MGST2: variants seen among roughly 807,000 people sequenced by gnomAD.
MGST2 encodes the protein glutathione peroxidase MGST2.
A neutral mutation model predicts 16.6 loss-of-function variants in MGST2; 9 were observed. That is an observed-to-expected ratio of 0.54 (90% confidence interval 0.33 to 0.95). The LOEUF is 0.95. MGST2 is among the 40% of genes least tolerant of loss of function. The probability of loss-of-function intolerance (pLI) is 0.03; values close to 1 mark genes in which losing one functional copy is unlikely to be tolerated. For synonymous variants in MGST2, 79 were observed against 68.0 expected, an observed-to-expected ratio of 1.16 and a Z score of -0.79; for missense variants, 159 against 175.1, an observed-to-expected ratio of 0.91 and a Z score of 0.52.
intron 2 of MGST2, among the ~76,000 whole-genome samples, chr4:139,682,251 A>C (rs75631080): frequency 0.17 from 25,929 of 151,480 alleles, 3,014 homozygotes; most frequent in African/African-American, 0.33. Flanking sequence ...CTAAAAAAAA[A>C]AAAAACAAAA....
chr4:139,678,987 C>T, intron 2 of MGST2: 1 of 295,392 alleles, frequency 3.4e-6, no homozygotes, highest in Non-Finnish European at 6.3e-6. Flanking sequence ...CGTTATGCTA[C>T]AATTTTCTAT....
intron 5 of MGST2, chr4:139,719,168 G>A: frequency 1.3e-6 from 1 of 798,266 alleles, no homozygotes; most frequent in Non-Finnish European, 1.9e-6. Context: ...TGGGGCTGTG[G>A]ATTGGCACCT....
At chr4:139,730,686 G>A (rs2110989203) in intron 5 of MGST2, 1 of 1,598,068 alleles carries the variant, frequency 6.3e-7, no homozygotes, top group Non-Finnish European at 8.6e-7. Flanking sequence ...ACAAGAGAGA[G>A]GGAGATGCAG....
At chr4:139,725,487 C>T (rs571761118) in intron 5 of MGST2, among the ~76,000 whole-genome samples, 1 of 152,274 alleles carries the variant, frequency 6.6e-6, no homozygotes, top group East Asian at 1.9e-4. Context: ...CTGTTCTAGT[C>T]CCAACTCCGA....
At chr4:139,701,005 A>G (rs555459211) in intron 3 of MGST2, among the ~76,000 whole-genome samples, 1 of 152,342 alleles carries the variant, frequency 6.6e-6, no homozygotes, top group East Asian at 1.9e-4. Context: ...CTTTAGAGAA[A>G]GACTTCTTCA....
At chr4:139,674,271 G>A (rs1330349741) in intron 1 of MGST2, among the ~76,000 whole-genome samples, 3 of 152,126 alleles carry the variant, frequency 2.0e-5, no homozygotes, top group Non-Finnish European at 1.5e-5. Flanking sequence ...CCGGAAAGGC[G>A]AGACAACTCA....
At chr4:139,709,544 CTTTAAAATGG>C (rs1727660804) in intron 5 of MGST2, among the ~76,000 whole-genome samples, 1 of 152,118 alleles carries the variant, frequency 6.6e-6, no homozygotes, top group East Asian at 1.9e-4. Flanking sequence ...GTTGGATGTA[CTTTAAAATGG>C]TTCTGCGAAA....
chr4:139,711,174 C>T (rs1024319321), intron 5 of MGST2, among the ~76,000 whole-genome samples: 5 of 151,972 alleles, frequency 3.3e-5, no homozygotes, highest in Admixed American at 6.5e-5. Context: ...TCACCATGAC[C>T]GGCTGTTTTC....
In MGST2 at chr4:139,715,940, C is replaced by G. The variant is rs1201737649; in HGVS notation, c.*48+11744C>G. 6.6e-6 allele frequency among the ~76,000 whole-genome samples: 1 copy of G among 152,178 alleles called. No homozygotes were observed. Among genetic ancestry groups the G allele is most frequent in the Non-Finnish European group, 1.5e-5 (1 of 68,036 alleles). On this transcript the variant is annotated intron_variant, in intron 5 of 5. Coordinates refer to the MGST2 transcript ENST00000616265. This position sits in a 1 kb window ranked among gnomAD's most constrained non-coding sequence, Gnocchi z 4.4. ...GTTTCAGTCTCATTTTACCCAGCTC[C>G]TATTTAACATGGAGTTGCTCTGGTT...
intron 2 of MGST2, among the ~76,000 whole-genome samples, chr4:139,682,564 G>A (rs1029441212): frequency 1.2e-4 from 19 of 152,278 alleles, no homozygotes; most frequent in African/African-American, 3.4e-4. Context: ...GCCACTGTAG[G>A]GGACTTTGGC....
At chr4:139,745,367 A>C (rs1294398037), downstream of MGST2, among the ~76,000 whole-genome samples, 1 of 152,204 alleles carries the variant, frequency 6.6e-6, no homozygotes, top group African/African-American at 2.4e-5. Flanking sequence ...AGTGTCAGGT[A>C]AGCTAGTGTC....
At chr4:139,709,378 C>T (rs183178873) in intron 5 of MGST2, among the ~76,000 whole-genome samples, 165 of 152,106 alleles carry the variant, frequency 1.1e-3, no homozygotes, top group Non-Finnish European at 1.4e-3. Flanking sequence ...CCATCACGCC[C>T]GGCCAGACAA....
chr4:139,682,934 C>T (rs1252397655), intron 2 of MGST2, among the ~76,000 whole-genome samples: 1 of 152,174 alleles, frequency 6.6e-6, no homozygotes, highest in African/African-American at 2.4e-5. Context: ...CCCTGCCTCG[C>T]AGATTAATTC....
intron 4 of MGST2, 39 bp from the exon 5 acceptor site, chr4:139,703,977 T>G (rs896216898): frequency 6.2e-7 from 1 of 1,613,572 alleles, no homozygotes; most frequent in Non-Finnish European, 8.5e-7. Flanking sequence ...CTTATTACAG[T>G]CCAGTTTGTC....
intron 2 of MGST2, among the ~76,000 whole-genome samples, chr4:139,686,038 G>A (rs1731543207): frequency 6.6e-6 from 1 of 152,194 alleles, no homozygotes; most frequent in Non-Finnish European, 1.5e-5. Flanking sequence ...CTGAGAACAC[G>A]TGCCCAGTTT....
At chr4:139,709,374 C>T (rs781482709) in intron 5 of MGST2, among the ~76,000 whole-genome samples, 42 of 151,986 alleles carry the variant, frequency 2.8e-4, no homozygotes, top group Admixed American at 1.5e-3. Flanking sequence ...TGAGCCATCA[C>T]GCCCGGCCAG....
At chr4:139,714,020 T>C (rs1355085117) in intron 5 of MGST2, among the ~76,000 whole-genome samples, 1 of 152,216 alleles carries the variant, frequency 6.6e-6, no homozygotes, top group Non-Finnish European at 1.5e-5. Flanking sequence ...TCCTATTTCC[T>C]GGAAGGTGGA....
Position 139,719,280 on chromosome 4 carries a change from A to G in MGST2, c.*48+15084A>G, listed in dbSNP as rs769252792. ...ACATCCTGTTTCTTTTTCACTTTTT[A>G]AGCTTTAACCACTCGAGTTGTGGAT... On this transcript the variant is annotated intron_variant, in intron 5 of 5. Transcript: ENST00000616265. The G allele has an allele frequency of 9.9e-6, 15 of 1,518,194 alleles. No homozygotes were observed. The South Asian group carries it at 1.7e-4, about 17-fold the overall frequency. The allele number at this position is 1,518,194 out of a possible 1,614,324, so 94.0% of individuals were successfully genotyped here.
rs1390734026 is a variant in MGST2 at position 139,715,862 on chromosome 4, ATCTCATCCTG to A, written c.*48+11668_*48+11677del. Among the ~76,000 whole-genome samples, 1 of 152,038 alleles carries A rather than the reference ATCTCATCCTG, an allele frequency of 6.6e-6. No individual in the cohort carries two copies. Among genetic ancestry groups the A allele is most frequent in the Non-Finnish European group, 1.5e-5 (1 of 68,000 alleles). ...GCCGTGTATTTTGTGCTGAACTCCT[ATCTCATCCTG>A]TGACTTAGAATGCCTTAACCGTCTG... is the stretch of plus-strand genomic sequence containing the variant. On this transcript the variant is annotated intron_variant, in intron 5 of 5. Coordinates refer to the MGST2 transcript ENST00000616265. The surrounding 1 kb of genome is among the most constrained non-coding windows in gnomAD (Gnocchi z 4.4).
Sources: gnomAD v4.1 joint callset for allele counts (sites outside exome capture counted in the v4.1 genomes callset) on GRCh38, gnomAD v4.1.1 for gene constraint, Gnocchi (gnomAD v3.1) non-coding constraint, MANE v1.5 for transcripts, NCBI Gene and HGNC (gene_info 2026-07-23, HGNC 2026-07-21) for gene names.